The following ACSL6 variants were observed in gnomAD, a reference collection of about 807,000 sequenced individuals.
The protein encoded by ACSL6 is acyl-CoA synthetase long chain family member 6, also known as long-chain-fatty-acid--CoA ligase 6.
In ACSL6, 47 loss-of-function variants were observed where a neutral mutation model predicts 98.2. That is an observed-to-expected ratio of 0.48 (90% CI 0.38 to 0.61). The LOEUF (loss-of-function observed/expected upper bound fraction) is 0.61. ACSL6 is among the 20% of genes least tolerant of loss of function. The probability of loss-of-function intolerance (pLI) is 0.00; values close to 1 mark genes in which losing one functional copy is unlikely to be tolerated. For missense variants in ACSL6, 761 were observed against 913.4 expected, an observed-to-expected ratio of 0.83 and a Z score of 2.15; for synonymous variants, 362 against 336.9, an observed-to-expected ratio of 1.07 and a Z score of -0.82.
intron 17 of ACSL6, 22 bp downstream of exon 17, chr5:131,966,394 C>T: frequency 6.2e-7 from 1 of 1,610,104 alleles, no homozygotes; most frequent in East Asian, 2.2e-5. Context: ...GTTTGGAGCT[C>T]CGTGGTTCCA....
In ACSL6 at chr5:132,011,452, C is replaced by G; in HGVS notation, c.49+53G>C. 2 of 1,583,970 alleles carry G rather than the reference C, an allele frequency of 1.3e-6. No individual in the cohort carries two copies. The highest frequency in any genetic ancestry group is 1.1e-5 in the South Asian group (1 of 90,222). On this transcript the variant is annotated intron_variant, in intron 1 of 20. Transcript: ENST00000651883. The surrounding 1 kb of genome is among the most constrained non-coding windows in gnomAD (Gnocchi z 5.4). ...TAACACCTCCACCTCGGGCGAAGAC[C>G]TCATAGCCTGCGGGAGATGGGAGTC...
In ACSL6 at chr5:131,972,766, C is replaced by T; in HGVS notation, c.1296G>A (p.Arg432=). The T allele has an allele frequency of 1.9e-6, 3 of 1,614,196 alleles. No homozygotes were observed. In the African/African-American group the frequency reaches 4.0e-5, roughly 22 times the overall value. ...KQAEVRSGII[R]NDSIWDELFF... The stretch of plus-strand genomic sequence containing the variant: ...AGAGTTCATCCCAGATACTATCATT[C>T]CTGATGATTCCACTCCGGACCTCGG... Residue 432 remains arginine, a synonymous_variant, in exon 13 of 21, where the codon AGG becomes AGA. Transcript: ENST00000651883.
chr5:131,974,741 T>A, intron 11 of ACSL6, 152 bp downstream of exon 11: 1 of 1,600,534 alleles, frequency 6.2e-7, no homozygotes, highest in Non-Finnish European at 8.5e-7. Flanking sequence ...TGTGCCTCCC[T>A]GATGCCAGGG....
At position 131,966,412 on chromosome 5, in the gene ACSL6, A is replaced by C; in HGVS notation, c.1713+4T>G. 6.2e-7 allele frequency: 1 copy of C among 1,613,976 alleles called. No individual in the cohort carries two copies. The highest frequency in any genetic ancestry group is 8.5e-7 in the Non-Finnish European group (1 of 1,179,960). On this transcript the variant is annotated splice_donor_region_variant and intron_variant, in intron 17 of 20. Transcript: ENST00000651883. ...TGGAGCTCCGTGGTTCCAAACATAC[A>C]CACCGGCAGCCATTTTCCGATGTCT...
At position 131,974,956 on chromosome 5, in the gene ACSL6, C is replaced by G. The variant is rs1001167788; in HGVS notation, c.1005G>C (p.Pro335=). 1.9e-6 allele frequency: 3 copies of G among 1,613,672 alleles called. No homozygotes were observed. Among genetic ancestry groups the G allele is most frequent in the East Asian group, 2.2e-5 (1 of 44,874 alleles). ...FLKVTEKVIF[P]RQDDVLISFL... ...AGGAGATGAGCACATCGTCCTGTCT[C>G]GGAAAGATCACTTTCTGCAGGCGAC... The change falls in exon 11 of 21, where the codon CCG becomes CCC. Residue 335 remains proline, a synonymous_variant. Transcript: ENST00000651883.
intron 13 of ACSL6, 85 bp downstream of exon 13, chr5:131,972,639 C>T (rs1382106601): frequency 4.7e-6 from 7 of 1,483,808 alleles, no homozygotes; most frequent in Admixed American, 1.8e-5. Flanking sequence ...TTACAGGGCA[C>T]TGGGATGAAC....
intron 2 of ACSL6, among the ~76,000 whole-genome samples, chr5:131,992,367 A>G (rs1242102353): frequency 6.6e-6 from 1 of 152,178 alleles, no homozygotes; most frequent in East Asian, 1.9e-4. Flanking sequence ...CAGCAGGCAC[A>G]GTCAATGCTG....
chr5:131,966,371 C>A, intron 17 of ACSL6, 45 bp downstream of exon 17: 2 of 1,587,070 alleles, frequency 1.3e-6, no homozygotes, highest in Admixed American at 1.7e-5. Context: ...CACACACCCT[C>A]CCACTGCCAA....
intron 5 of ACSL6, 21 bp downstream of exon 5, chr5:131,989,386 C>T (rs752606312): frequency 6.2e-7 from 1 of 1,610,724 alleles, no homozygotes; most frequent in Non-Finnish European, 8.5e-7. Flanking sequence ...CCCTCTAAAA[C>T]CAGTCAAGGT....
At position 132,011,493 on chromosome 5, in the gene ACSL6, A is replaced by T; in HGVS notation, c.49+12T>A. Reference sequence around the variant, plus strand: ...GATGGGAGTCCGGGACGCGGACAGGACGGGCACTTACCTACGAATAGCCAG... The same window carrying T: ...GATGGGAGTCCGGGACGCGGACAGGTCGGGCACTTACCTACGAATAGCCAG... On this transcript the variant is annotated intron_variant, in intron 1 of 20. Coordinates refer to ENST00000651883, the MANE Select transcript of ACSL6 (RefSeq NM_001009185.3). This position sits in a 1 kb window ranked among gnomAD's most constrained non-coding sequence, Gnocchi z 5.4. 1 of 1,609,942 alleles carries T rather than the reference A, an allele frequency of 6.2e-7. No homozygotes were observed.
chr5:132,008,517 C>A (rs775430781), intron 1 of ACSL6, among the ~76,000 whole-genome samples: 7 of 152,196 alleles, frequency 4.6e-5, no homozygotes, highest in African/African-American at 4.8e-5. Flanking sequence ...CTATTCTTAT[C>A]CATAACATCA....
At chr5:131,967,406 G>A (rs1204788285) in intron 16 of ACSL6, among the ~76,000 whole-genome samples, 1 of 152,042 alleles carries the variant, frequency 6.6e-6, no homozygotes, top group Non-Finnish European at 1.5e-5. Context: ...GCTCACGCCT[G>A]TAATCCCAGC....
At chr5:132,008,040 T>A (rs369155621) in intron 1 of ACSL6, among the ~76,000 whole-genome samples, 1 of 152,302 alleles carries the variant, frequency 6.6e-6, no homozygotes, top group African/African-American at 2.4e-5. Context: ...GGTGTCAGTA[T>A]GTTCTTACCA....
chr5:132,008,318 A>T (rs1284089763), intron 1 of ACSL6, among the ~76,000 whole-genome samples: 1 of 152,214 alleles, frequency 6.6e-6, no homozygotes, highest in South Asian at 2.1e-4. Flanking sequence ...ACTAAGCCAA[A>T]GTGTGCAAGT....
chr5:131,996,901 G>A (rs2126929578), intron 1 of ACSL6, among the ~76,000 whole-genome samples: 1 of 152,364 alleles, frequency 6.6e-6, no homozygotes, highest in African/African-American at 2.4e-5. Context: ...GTCAGGGCAG[G>A]CTTCTGGCAG....
intron 14 of ACSL6, among the ~76,000 whole-genome samples, chr5:131,970,534 C>T (rs751829560): frequency 2.0e-5 from 3 of 152,000 alleles, no homozygotes; most frequent in Admixed American, 6.6e-5. Flanking sequence ...CTCAGCCTCC[C>T]GAGTAGCTGG....
At chr5:131,990,747 T>C in intron 3 of ACSL6, 106 bp downstream of exon 3, 1 of 1,004,114 alleles carries the variant, frequency 1.0e-6, no homozygotes, top group Non-Finnish European at 1.5e-6. Context: ...AACCTGGGGA[T>C]AGCTCACCTG....
chr5:131,974,973 G>C lies in ACSL6; in HGVS notation c.991-3C>G. On this transcript the variant is annotated splice_region_variant and splice_polypyrimidine_tract_variant and intron_variant, in intron 10 of 20. Transcript: ENST00000651883. Reference sequence around the variant, plus strand: ...TCCTGTCTCGGAAAGATCACTTTCTGCAGGCGACGGGCATGGGAGACAGAA... The same window carrying C: ...TCCTGTCTCGGAAAGATCACTTTCTCCAGGCGACGGGCATGGGAGACAGAA... 1.9e-6 allele frequency: 3 copies of C among 1,613,722 alleles called. No individual in the cohort carries two copies. The highest frequency in any genetic ancestry group is 2.2e-5 in the South Asian group (2 of 90,982).
intron 15 of ACSL6, among the ~76,000 whole-genome samples, chr5:131,969,716 GC>G (rs1304301478): frequency 1.3e-5 from 2 of 152,134 alleles, no homozygotes; most frequent in African/African-American, 2.4e-5. Flanking sequence ...TTCTTAAAGG[GC>G]CATTTTAGAG....
Sources: gnomAD v4.1 joint callset for allele counts (sites outside exome capture counted in the v4.1 genomes callset) on GRCh38, gnomAD v4.1.1 for gene constraint, Gnocchi (gnomAD v3.1) non-coding constraint, MANE v1.5 for transcripts, NCBI Gene and HGNC (gene_info 2026-07-23, HGNC 2026-07-21) for gene names.